GRID2: variants seen among roughly 807,000 people sequenced by gnomAD.
The protein encoded by GRID2 is glutamate ionotropic receptor delta type subunit 2, also known as glutamate receptor ionotropic, delta-2.
A neutral mutation model predicts 114.8 loss-of-function variants in GRID2; 33 were observed. The ratio of observed to expected loss-of-function variants is 0.29; its 90% CI spans 0.22 to 0.38. GRID2 has a LOEUF of 0.38. Ranked by LOEUF, GRID2 falls within the 10% of genes least tolerant of loss-of-function variation. GRID2 has a pLI of 1.00. For synonymous variants in GRID2, 505 were observed against 449.9 expected, an observed-to-expected ratio of 1.12 and a Z score of -1.55; for missense variants, 1,184 against 1,257.7, an observed-to-expected ratio of 0.94 and a Z score of 0.89.
chr4:93,206,773 T>C (rs974311897), intron 4 of GRID2, among the ~76,000 whole-genome samples: 1 of 152,142 alleles, frequency 6.6e-6, no homozygotes, highest in African/African-American at 2.4e-5. Context: ...TTCATCTTAT[T>C]AGCAATCTAA....
chr4:93,118,015 A>G (rs1197084233), intron 4 of GRID2, among the ~76,000 whole-genome samples: 2 of 152,134 alleles, frequency 1.3e-5, no homozygotes, highest in Non-Finnish European at 2.9e-5. Context: ...CTATGTTCCC[A>G]TATTTTGAGC....
At chr4:93,432,067 T>C (rs1769468878) in intron 10 of GRID2, among the ~76,000 whole-genome samples, 3 of 152,198 alleles carry the variant, frequency 2.0e-5, no homozygotes, top group African/African-American at 7.2e-5. Flanking sequence ...ACATGTATTA[T>C]GTAACAGTCT....
intron 2 of GRID2, among the ~76,000 whole-genome samples, chr4:92,953,834 T>G (rs1401292101): frequency 6.6e-6 from 1 of 152,166 alleles, no homozygotes; most frequent in Admixed American, 6.5e-5. Flanking sequence ...ATTTCACAAT[T>G]TTTTAAACAA....
At chr4:93,371,109 G>C (rs1579854549) in intron 8 of GRID2, among the ~76,000 whole-genome samples, 1 of 152,242 alleles carries the variant, frequency 6.6e-6, no homozygotes. Flanking sequence ...CTGCACAAAG[G>C]CTAAAAATCC....
At chr4:93,656,747 G>A (rs1363208899) in intron 14 of GRID2, among the ~76,000 whole-genome samples, 6 of 128,932 alleles carry the variant, frequency 4.7e-5, no homozygotes, top group East Asian at 2.2e-4. Flanking sequence ...GGAGAATGCC[G>A]TGAACCCGGG....
intron 1 of GRID2, among the ~76,000 whole-genome samples, chr4:92,384,462 A>AT (rs1729780026): frequency 4.4e-5 from 2 of 44,946 alleles, no homozygotes; most frequent in Non-Finnish European, 7.6e-5. Flanking sequence ...ATATATATAT[A>AT]TATATATATA....
chr4:93,509,696 T>C (rs1273428759), intron 12 of GRID2, among the ~76,000 whole-genome samples: 2 of 152,202 alleles, frequency 1.3e-5, no homozygotes, highest in African/African-American at 4.8e-5. Context: ...GTTTGCTCAG[T>C]GCTGGTCAGT....
At chr4:93,680,064 A>C (rs960980189) in intron 14 of GRID2, among the ~76,000 whole-genome samples, 1 of 151,348 alleles carries the variant, frequency 6.6e-6, no homozygotes, top group Non-Finnish European at 1.5e-5. Context: ...GAGAAGAATC[A>C]AATAGATGCA....
At chr4:92,827,087 C>A (rs1366803910) in intron 2 of GRID2, among the ~76,000 whole-genome samples, 2 of 152,004 alleles carry the variant, frequency 1.3e-5, no homozygotes, top group African/African-American at 4.8e-5. Context: ...GGGCCTTCCT[C>A]ATATTTCAAT....
chr4:93,368,379 G>A (rs1283069647), intron 8 of GRID2, among the ~76,000 whole-genome samples: 1 of 149,140 alleles, frequency 6.7e-6, no homozygotes, highest in East Asian at 2.0e-4. Context: ...TAACTATGGG[G>A]ATATAGTAAG....
At chr4:93,052,914 T>C (rs1397582874) in intron 2 of GRID2, among the ~76,000 whole-genome samples, 1 of 151,898 alleles carries the variant, frequency 6.6e-6, no homozygotes, top group Non-Finnish European at 1.5e-5. Context: ...CAGTGCTGCA[T>C]AGGGCCACAC....
chr4:92,394,231 G>T (rs1485997913), intron 1 of GRID2, among the ~76,000 whole-genome samples: 4 of 151,820 alleles, frequency 2.6e-5, no homozygotes, highest in African/African-American at 9.7e-5. Flanking sequence ...TTTTTATATT[G>T]CATTATAATT....
intron 14 of GRID2, among the ~76,000 whole-genome samples, chr4:93,751,841 T>C (rs751474988): frequency 1.3e-5 from 2 of 152,202 alleles, no homozygotes; most frequent in East Asian, 1.9e-4. Context: ...AAAAGCTTCA[T>C]GCTGTCATTC....
chr4:92,527,906 AT>A lies in GRID2; in HGVS notation c.89-62223del, dbSNP rs201653289. Among the ~76,000 whole-genome samples the A allele has an allele frequency of 6.5e-3, 986 of 152,198 alleles. 9 individuals are homozygous for A. The highest frequency in any genetic ancestry group is 0.022 in the African/African-American group (929 of 41,548). ...AACAACATAGTTATTGATCACAATA[AT>A]TCATTACAGGGTCCAGGTTACAGTG... is the stretch of plus-strand genomic sequence containing the variant. On this transcript the variant is annotated intron_variant, in intron 1 of 15. Coordinates refer to ENST00000282020, the MANE Select transcript of GRID2 (RefSeq NM_001510.4).
intron 8 of GRID2, among the ~76,000 whole-genome samples, chr4:93,331,918 A>G (rs1169087164): frequency 6.6e-6 from 1 of 151,924 alleles, no homozygotes; most frequent in Non-Finnish European, 1.5e-5. Flanking sequence ...CCCCCTAGCT[A>G]TTAGTTTCTA....
chr4:92,709,589 A>AAATAT (rs779775767), intron 2 of GRID2, among the ~76,000 whole-genome samples: 1,273 of 114,546 alleles, frequency 0.011, 29 homozygotes, highest in African/African-American at 0.039. Context: ...AAAAAAAAAA[A>AAATAT]ATATATATAT....
intron 10 of GRID2, among the ~76,000 whole-genome samples, chr4:93,434,172 T>C (rs1180677994): frequency 4.6e-5 from 7 of 152,240 alleles, no homozygotes; most frequent in Non-Finnish European, 1.0e-4. Context: ...TTGTATTTGT[T>C]GACTCGGATA....
chr4:93,123,489 A>G (rs866520884), intron 4 of GRID2, among the ~76,000 whole-genome samples: 1 of 152,170 alleles, frequency 6.6e-6, no homozygotes, highest in African/African-American at 2.4e-5. Flanking sequence ...AAGCTATTCT[A>G]TGCAAGTCAG....
Position 92,678,063 on chromosome 4 carries a change from A to G in GRID2, c.244+87777A>G, listed in dbSNP as rs528210980. On this transcript the variant is annotated intron_variant, in intron 2 of 15. Transcript: ENST00000282020. ...CTTTGCACTCATTATGTCCTGTCCT[A>G]TAACTGTTTGCCCTCAAATATGAGT... Among the ~76,000 whole-genome samples the G allele has an allele frequency of 3.9e-5, 6 of 152,166 alleles. No individual in the cohort carries two copies. The South Asian group carries it at 1.0e-3, about 26-fold the overall frequency.
Sources: allele counts gnomAD v4.1 joint callset (sites outside exome capture counted in the v4.1 genomes callset), GRCh38; gene constraint gnomAD v4.1.1; transcripts MANE v1.5; gene names NCBI Gene and HGNC (gene_info 2026-07-23, HGNC 2026-07-21).